The following TRIM49 variants were observed in gnomAD, a reference collection of about 807,000 sequenced individuals.
TRIM49 encodes tripartite motif-containing protein 49.
A neutral mutation model predicts 27.4 loss-of-function variants in TRIM49; 5 were observed. The ratio of observed to expected loss-of-function variants is 0.18; its 90% confidence interval spans 0.10 to 0.38. The LOEUF is 0.38. Ranked by LOEUF, TRIM49 falls within the 10% of genes least tolerant of loss-of-function variation. The pLI is 1.00. For missense variants in TRIM49, 188 were observed against 487.5 expected, an observed-to-expected ratio of 0.39 and a Z score of 5.79; for synonymous variants, 69 against 166.0, an observed-to-expected ratio of 0.42 and a Z score of 4.49.
intron 4 of TRIM49, among the ~76,000 whole-genome samples, chr11:89,802,545 A>T (rs1949746468): frequency 6.6e-6 from 1 of 150,812 alleles, no homozygotes; most frequent in Non-Finnish European, 1.5e-5. Flanking sequence ...TGTTCTCTCC[A>T]ACTAGAATTA....
chr11:89,769,526 G>A, the TRIM49 span, among the ~76,000 whole-genome samples: 2 of 135,044 alleles, frequency 1.5e-5, no homozygotes, highest in Middle Eastern at 3.6e-3. Flanking sequence ...TTCAGACCTC[G>A]TGCAGACAAG....
rs1287027915 is a variant in TRIM49 at position 89,798,346 on chromosome 11, CCCAAGAAGAAAGAGTCCCGCCTTT to C, written c.1119_1142del (p.Lys374_Gly381del). The C allele has an allele frequency of 6.4e-7, 1 of 1,573,774 alleles. No individual in the cohort carries two copies. The highest frequency in any genetic ancestry group is 8.6e-7 in the Non-Finnish European group (1 of 1,163,696). The stretch of plus-strand genomic sequence containing the variant: ...TGCATTGAATGTCATTCTTAACACA[CCCAAGAAGAAAGAGTCCCGCCTTT>C]CCATCTATCTTCTCATTCTGATTCT... On this transcript the variant is annotated inframe_deletion, in exon 8 of 8. Transcript: ENST00000329758.
At chr11:89,787,279 G>A in the TRIM49 span, 49 of 231,084 alleles carry the variant, frequency 2.1e-4, no homozygotes, top group South Asian at 2.6e-3. Flanking sequence ...GCCTCTAACA[G>A]CCCCGCCGTG....
In TRIM49 at chr11:89,800,985, A is replaced by G; in HGVS notation, c.742T>C (p.Phe248Leu). 2.1e-6 allele frequency: 3 copies of G among 1,419,370 alleles called. No homozygotes were observed. Among genetic ancestry groups the G allele is most frequent in the Non-Finnish European group, 2.8e-6 (3 of 1,056,052 alleles). The allele number at this position is 1,419,370 out of a possible 1,614,324, so 87.9% of individuals were successfully genotyped here. A position where few individuals can be genotyped will look rare whatever the true frequency, so the allele number is the denominator to read the frequency against. Residue 248 changes from phenylalanine to leucine, a missense_variant, in exon 6 of 8, where the codon TTT becomes CTT. Physicochemically the swap from Phe to Leu is conservative, Grantham distance 22. This residue lies in a region of TRIM49 where 14 missense variants were observed against 118.8 expected (regional missense o/e 0.12). Transcript: ENST00000329758. ...ACTCACCTGTGTAATATGTCTCCAA[A>G]AGCCTGAAAAAAAAAAAAAGAAGAA... ...HKPDVELLQA[F>L]GDILHRSESV...
chr11:89,776,892 T>C, the TRIM49 span: 1 of 1,420,620 alleles, frequency 7.0e-7, no homozygotes, highest in Admixed American at 2.6e-5. Flanking sequence ...ACAAAGAAAA[T>C]TGTCCACCGG....
In TRIM49 at chr11:89,798,304, G is replaced by C. The variant is rs1565445161; in HGVS notation, c.1185C>G (p.Ser395=). Residue 395 remains serine, a synonymous_variant, in exon 8 of 8, where the codon TCC becomes TCG. Transcript: ENST00000329758. ...NDIQCSLFTT[S]PLMLQYIPKP... Reference sequence around the variant, plus strand: ...TTGGGATATATTGCAGCATAAGTGGGGAGGTGGTAAAGAGACTGCATTGAA... The same window carrying C: ...TTGGGATATATTGCAGCATAAGTGGCGAGGTGGTAAAGAGACTGCATTGAA... 6.3e-7 allele frequency: 1 copy of C among 1,575,030 alleles called. No individual in the cohort carries two copies.
chr11:89,773,827 A>T, the TRIM49 span, among the ~76,000 whole-genome samples: 56 of 134,470 alleles, frequency 4.2e-4, 3 homozygotes, highest in African/African-American at 1.9e-3. Flanking sequence ...AATCCCAGCT[A>T]CTTGGGAGCT....
At chr11:89,793,133 T>C (rs1244788814), downstream of TRIM49, among the ~76,000 whole-genome samples, 1 of 152,050 alleles carries the variant, frequency 6.6e-6, no homozygotes, top group Non-Finnish European at 1.5e-5. Context: ...GCAAATAAAC[T>C]AGAAAATCTA....
downstream of TRIM49, among the ~76,000 whole-genome samples, chr11:89,794,436 C>A (rs1949675051): frequency 6.6e-6 from 1 of 150,690 alleles, no homozygotes; most frequent in African/African-American, 2.4e-5. Flanking sequence ...CCAAGTCAAT[C>A]CTAAGCCAAA....
downstream of TRIM49, among the ~76,000 whole-genome samples, chr11:89,795,854 G>C (rs1255748092): frequency 6.6e-6 from 1 of 151,506 alleles, no homozygotes; most frequent in Non-Finnish European, 1.5e-5. Context: ...TCTGCACGTT[G>C]TGCACATGTA....
downstream of TRIM49, among the ~76,000 whole-genome samples, chr11:89,794,425 G>A (rs1378417631): frequency 6.7e-6 from 1 of 150,170 alleles, no homozygotes; most frequent in Non-Finnish European, 1.5e-5. Context: ...AGCCCTCACA[G>A]CCAAGTCAAT....
chr11:89,790,674 C>A, the TRIM49 span, among the ~76,000 whole-genome samples: 40 of 152,114 alleles, frequency 2.6e-4, 1 homozygote, highest in African/African-American at 9.7e-4. Context: ...TCCAACAGAC[C>A]TGCAGCTGAG....
the TRIM49 span, among the ~76,000 whole-genome samples, chr11:89,770,858 T>C: frequency 7.1e-6 from 1 of 140,912 alleles, no homozygotes; most frequent in African/African-American, 2.9e-5. Flanking sequence ...AGAGCGAGAC[T>C]CTGTCTCAAA....
At chr11:89,776,215 T>G in the TRIM49 span, among the ~76,000 whole-genome samples, 24 of 130,002 alleles carry the variant, frequency 1.8e-4, no homozygotes, top group Non-Finnish European at 3.2e-4. Context: ...TCAACTAATC[T>G]CAGATAAAAA....
At chr11:89,777,378 G>C in the TRIM49 span, 51 of 1,534,240 alleles carry the variant, frequency 3.3e-5, 2 homozygotes, top group Non-Finnish European at 4.5e-5. Flanking sequence ...GGCTGCTGAG[G>C]AATGCAGGGT....
At chr11:89,798,765 G>C in intron 7 of TRIM49, 136 bp from the exon 8 acceptor site, 1 of 1,250,844 alleles carries the variant, frequency 8.0e-7, no homozygotes, top group Non-Finnish European at 1.0e-6. Context: ...GTAAAGTATA[G>C]AGATGGTTAA....
chr11:89,774,980 A>C, the TRIM49 span, among the ~76,000 whole-genome samples: 1 of 147,562 alleles, frequency 6.8e-6, no homozygotes, highest in Non-Finnish European at 1.5e-5. Context: ...CGCCAAAGGA[A>C]ATGTTAAAAA....
chr11:89,805,526 C>G lies in TRIM49; in HGVS notation c.-4-1053G>C, dbSNP rs375669073. ...TCTCTCTCCTGAAACTTGTTCTGAA[C>G]CTTTCAGACTTGAGCTTAGCCAGGA... On this transcript the variant is annotated intron_variant, in intron 2 of 7. Coordinates refer to ENST00000329758, the MANE Select transcript of TRIM49 (RefSeq NM_020358.2). 5.6e-3 allele frequency among the ~76,000 whole-genome samples: 812 copies of G among 145,894 alleles called. 6 individuals are homozygous for G. The highest frequency in any genetic ancestry group is 0.011 in the Middle Eastern group (3 of 282).
chr11:89,766,455 C>T, the TRIM49 span: 1 of 414,652 alleles, frequency 2.4e-6, no homozygotes, highest in African/African-American at 5.8e-5. Context: ...TTTTACATAT[C>T]TTCTACTTAA....
Sources: allele counts gnomAD v4.1 joint callset (sites outside exome capture counted in the v4.1 genomes callset), GRCh38; gene constraint gnomAD v4.1.1; regional missense constraint gnomAD v4.1.1; transcripts MANE v1.5; gene names NCBI Gene and HGNC (gene_info 2026-07-23, HGNC 2026-07-21).